TNKS: variants seen among roughly 807,000 people sequenced by gnomAD.
TNKS encodes poly [ADP-ribose] polymerase tankyrase-1.
TNKS carries 72 observed loss-of-function variants against 135.8 expected under a neutral mutation model. That is an observed-to-expected ratio of 0.53 (90% confidence interval 0.44 to 0.64). TNKS has a LOEUF of 0.64. Among genes scored for constraint, TNKS ranks in the 30% least tolerant of loss-of-function variants. The probability of loss-of-function intolerance (pLI) is 0.00; values close to 1 mark genes in which losing one functional copy is unlikely to be tolerated. For missense variants in TNKS, 1,769 were observed against 1,674.0 expected (o/e 1.06, Z -0.99); for synonymous variants, 849 against 649.3 (o/e 1.31, Z -4.68).
chr8:9,701,549 A>G (rs896599713), intron 5 of TNKS, among the ~76,000 whole-genome samples: 2 of 152,246 alleles, frequency 1.3e-5, no homozygotes, highest in Non-Finnish European at 2.9e-5. Flanking sequence ...GAAAGAATCC[A>G]AGATAGAATA....
chr8:9,590,944 G>C (rs749601751), intron 2 of TNKS, among the ~76,000 whole-genome samples: 8 of 152,108 alleles, frequency 5.3e-5, no homozygotes, highest in African/African-American at 1.4e-4. Flanking sequence ...TTCTGCTTTC[G>C]TTGCTTGTGC....
Position 9,606,229 on chromosome 8 carries a change from T to C in TNKS, c.899-9353T>C, listed in dbSNP as rs1169440644. On this transcript the variant is annotated intron_variant, in intron 2 of 26. Transcript: ENST00000310430. The stretch of plus-strand genomic sequence containing the variant: ...TGTTGAATAGGCTATTTTTCCACCG[T>C]TGAATTACTGTGCTTCCTTTGTTGA... Among the ~76,000 whole-genome samples, 18 of 151,180 alleles carry C rather than the reference T, an allele frequency of 1.2e-4. 1 individual carries two copies. The highest frequency in any genetic ancestry group is 1.1e-3 in the Admixed American group (16 of 15,176).
intron 2 of TNKS, among the ~76,000 whole-genome samples, chr8:9,585,962 T>C (rs1229608613): frequency 6.6e-6 from 1 of 152,170 alleles, no homozygotes; most frequent in African/African-American, 2.4e-5. Context: ...TCTTTCAGCA[T>C]TAAAATGGGA....
chr8:9,704,442 T>A (rs1803956244), intron 5 of TNKS, among the ~76,000 whole-genome samples: 1 of 152,152 alleles, frequency 6.6e-6, no homozygotes, highest in Non-Finnish European at 1.5e-5. Flanking sequence ...ACTGATGGCC[T>A]TAAAAAAACA....
At chr8:9,762,455 T>TAA (rs1807193494) in intron 21 of TNKS, among the ~76,000 whole-genome samples, 1 of 152,226 alleles carries the variant, frequency 6.6e-6, no homozygotes, top group African/African-American at 2.4e-5. Context: ...TTTTAGAGGA[T>TAA]AATTTTTATA....
intron 11 of TNKS, among the ~76,000 whole-genome samples, chr8:9,714,609 TA>T (rs1454916712): frequency 2.0e-5 from 3 of 152,246 alleles, no homozygotes; most frequent in African/African-American, 4.8e-5. Context: ...GTTTGAAAGT[TA>T]ATGCAGTTAC....
chr8:9,772,072 A>G lies in TNKS; in HGVS notation c.3897+1810A>G, dbSNP rs1162972216. The stretch of plus-strand genomic sequence containing the variant: ...GAGGTAGGGAGGGATGGAGGGGGAG[A>G]GAGGGAGAGAGAAGGAGGGAGGGAG... On this transcript the variant is annotated intron_variant, in intron 26 of 26. Coordinates refer to ENST00000310430, the MANE Select transcript of TNKS (RefSeq NM_003747.3). Among the ~76,000 whole-genome samples the G allele has an allele frequency of 7.0e-4, 86 of 123,548 alleles. 1 individual carries two copies. Among genetic ancestry groups the G allele is most frequent in the African/African-American group, 2.7e-3 (82 of 30,836 alleles). 81.1% of individuals were successfully genotyped at this position (123,548 alleles called of 152,430 possible).
chr8:9,710,098 AAAAG>A (rs754637047), intron 10 of TNKS, 40 bp from the exon 11 acceptor site: 12 of 1,611,966 alleles, frequency 7.4e-6, no homozygotes, highest in Non-Finnish European at 1.0e-5. Flanking sequence ...GAAATGCAAT[AAAAG>A]AGAGACAATT....
intron 5 of TNKS, among the ~76,000 whole-genome samples, chr8:9,691,076 A>C (rs566153257): frequency 2.0e-5 from 3 of 152,300 alleles, no homozygotes; most frequent in South Asian, 2.1e-4. Context: ...CATTTTAAGA[A>C]GGGATATTGA....
intron 3 of TNKS, among the ~76,000 whole-genome samples, chr8:9,640,754 G>A (rs1800696075): frequency 6.9e-6 from 1 of 145,652 alleles, no homozygotes. Flanking sequence ...CAATTTCATG[G>A]AATATAAATA....
chr8:9,700,295 G>A (rs574127192), intron 5 of TNKS, among the ~76,000 whole-genome samples: 1 of 152,090 alleles, frequency 6.6e-6, no homozygotes, highest in Non-Finnish European at 1.5e-5. Flanking sequence ...TTCCTTTAGA[G>A]AATCAAACTT....
chr8:9,666,103 A>G (rs1161906094), intron 3 of TNKS, among the ~76,000 whole-genome samples: 1 of 152,118 alleles, frequency 6.6e-6, no homozygotes, highest in Non-Finnish European at 1.5e-5. Context: ...TTTGCTGCTG[A>G]CTGATTACAA....
intron 17 of TNKS, among the ~76,000 whole-genome samples, chr8:9,742,369 T>A (rs1363538374): frequency 6.6e-6 from 1 of 151,782 alleles, no homozygotes; most frequent in African/African-American, 2.4e-5. Context: ...CTTTTTTTTG[T>A]TTTTTAACAT....
intron 3 of TNKS, among the ~76,000 whole-genome samples, chr8:9,627,873 C>CT (rs1800124134): frequency 6.6e-6 from 1 of 152,164 alleles, no homozygotes; most frequent in South Asian, 2.1e-4. Context: ...CAGCTTATTA[C>CT]TTTTTTCATA....
At chr8:9,650,777 TCTG>T (rs1435825730) in intron 3 of TNKS, among the ~76,000 whole-genome samples, 19 of 152,332 alleles carry the variant, frequency 1.2e-4, no homozygotes, top group Admixed American at 7.8e-4. Context: ...GTCTGTTTAC[TCTG>T]CTGATGATTT....
intron 3 of TNKS, among the ~76,000 whole-genome samples, chr8:9,655,566 G>T (rs1304393796): frequency 6.6e-6 from 1 of 152,178 alleles, no homozygotes; most frequent in Non-Finnish European, 1.5e-5. Context: ...CGATTAGACA[G>T]CAGCATTTGC....
intron 1 of TNKS, chr8:9,558,450 G>C (rs1245974965): frequency 2.6e-5 from 4 of 152,158 alleles, no homozygotes; most frequent in Admixed American, 6.5e-5. Context: ...TTAATCAACA[G>C]AGGTGTCTAC....
intron 3 of TNKS, among the ~76,000 whole-genome samples, chr8:9,655,779 C>A (rs1441249928): frequency 6.6e-6 from 1 of 152,030 alleles, no homozygotes; most frequent in Non-Finnish European, 1.5e-5. Flanking sequence ...TAGATAAAAC[C>A]ACCAAGATGG....
intron 1 of TNKS, chr8:9,557,983 T>C (rs1264883611): frequency 2.0e-5 from 3 of 152,190 alleles, no homozygotes; most frequent in Admixed American, 6.5e-5. Context: ...TTGTGAGTAA[T>C]TGAAGTGTAG....
Sources: allele counts gnomAD v4.1 joint callset (sites outside exome capture counted in the v4.1 genomes callset), GRCh38; gene constraint gnomAD v4.1.1; transcripts MANE v1.5; gene names NCBI Gene and HGNC (gene_info 2026-07-23, HGNC 2026-07-21).